Variants in IFT81 observed in about 807,000 individuals in gnomAD.
IFT81 encodes intraflagellar transport protein 81 homolog.
IFT81 carries 72 observed loss-of-function variants against 102.6 expected under a neutral mutation model. That is an observed-to-expected ratio of 0.70 (90% confidence interval 0.58 to 0.85). The LOEUF (loss-of-function observed/expected upper bound fraction) is 0.85. Ranked by LOEUF, IFT81 falls within the 40% of genes least tolerant of loss-of-function variation. The probability of loss-of-function intolerance (pLI) is 0.00; values close to 1 mark genes in which losing one functional copy is unlikely to be tolerated. For synonymous variants in IFT81, 237 were observed against 242.7 expected, an observed-to-expected ratio of 0.98 and a Z score of 0.22; for missense variants, 723 against 787.3, an observed-to-expected ratio of 0.92 and a Z score of 0.98.
intron 1 of IFT81, among the ~76,000 whole-genome samples, chr12:110,127,056 A>C (rs887928048): frequency 6.6e-6 from 1 of 152,184 alleles, no homozygotes; most frequent in African/African-American, 2.4e-5. Flanking sequence ...ATGCACCGGT[A>C]TGGGAGAGAT....
At chr12:110,154,487 C>T (rs1045214438) in intron 10 of IFT81, among the ~76,000 whole-genome samples, 12 of 151,388 alleles carry the variant, frequency 7.9e-5, no homozygotes, top group Admixed American at 1.3e-4. Flanking sequence ...AAAAATTAGC[C>T]GGGCATGATG....
intron 18 of IFT81, among the ~76,000 whole-genome samples, chr12:110,210,533 G>A (rs1348386394): frequency 6.6e-6 from 1 of 151,866 alleles, no homozygotes; most frequent in African/African-American, 2.4e-5. Flanking sequence ...GAACCTGGGA[G>A]TTTGAGATCA....
At chr12:110,206,459 G>A (rs938311894) in intron 17 of IFT81, among the ~76,000 whole-genome samples, 1 of 152,062 alleles carries the variant, frequency 6.6e-6, no homozygotes. Context: ...CAGATAAAAT[G>A]TAGCACTCAC....
chr12:110,154,666 A>G (rs372328372), intron 10 of IFT81, among the ~76,000 whole-genome samples: 298 of 152,088 alleles, frequency 2.0e-3, no homozygotes, highest in African/African-American at 7.0e-3. Flanking sequence ...AAAGAAAAAA[A>G]TGTATTTTTA....
intron 3 of IFT81, among the ~76,000 whole-genome samples, chr12:110,128,350 ACTGT>A (rs1893965841): frequency 6.6e-6 from 1 of 150,506 alleles, no homozygotes; most frequent in South Asian, 2.1e-4. Context: ...CCTTAATCAA[ACTGT>A]CTGGTAAATC....
intron 12 of IFT81, among the ~76,000 whole-genome samples, chr12:110,182,362 A>G (rs1022918814): frequency 6.6e-6 from 1 of 152,218 alleles, no homozygotes; most frequent in East Asian, 1.9e-4. Context: ...TTCCAAGGAC[A>G]TAACTGATAT....
intron 12 of IFT81, among the ~76,000 whole-genome samples, chr12:110,188,256 T>A (rs1593353678): frequency 6.7e-6 from 1 of 149,306 alleles, no homozygotes; most frequent in Non-Finnish European, 1.5e-5. Context: ...GGCATGAACC[T>A]GGGAGGCGGA....
At chr12:110,174,068 G>C (rs1388279097) in intron 11 of IFT81, among the ~76,000 whole-genome samples, 1 of 151,858 alleles carries the variant, frequency 6.6e-6, no homozygotes, top group Non-Finnish European at 1.5e-5. Flanking sequence ...ATGAGGTCAG[G>C]AGATCGAGAC....
chr12:110,191,168 C>CAT, intron 13 of IFT81, 120 bp downstream of exon 13: 1 of 623,326 alleles, frequency 1.6e-6, no homozygotes, highest in South Asian at 2.6e-5. Flanking sequence ...ATTCTTTCAT[C>CAT]TTTTTTTTTT....
At position 110,209,161 on chromosome 12, in the gene IFT81, G is replaced by C; in HGVS notation, c.1803-10G>C. The C allele has an allele frequency of 6.8e-7, 1 of 1,470,478 alleles. No individual in the cohort carries two copies. The allele number at this position is 1,470,478 out of a possible 1,614,324, so 91.1% of individuals were successfully genotyped here. A position where few individuals can be genotyped will look rare whatever the true frequency, so the allele number is the denominator to read the frequency against. ...TAAATTGAAAGTAAATCATTATGTT[G>C]ACTCCCTAGGGAACAGTATACCAAA... On this transcript the variant is annotated splice_polypyrimidine_tract_variant and intron_variant, in intron 17 of 18. Coordinates refer to ENST00000242591, the MANE Select transcript of IFT81 (RefSeq NM_014055.4).
intron 18 of IFT81, chr12:110,216,638 G>A (rs1156787081): frequency 2.7e-5 from 12 of 443,654 alleles, no homozygotes; most frequent in Non-Finnish European, 5.4e-5. Context: ...AGCCTTCTGA[G>A]TAGCTGGAAT....
chr12:110,129,014 C>G lies in IFT81; in HGVS notation c.313C>G (p.Leu105Val). 6.2e-7 allele frequency: 1 copy of G among 1,611,664 alleles called. No homozygotes were observed. The highest frequency in any genetic ancestry group is 8.5e-7 in the Non-Finnish European group (1 of 1,178,710). Residue 105 changes from leucine to valine, a missense_variant, in exon 4 of 19, where the codon CTT becomes GTT. Coordinates refer to ENST00000242591, the MANE Select transcript of IFT81 (RefSeq NM_014055.4). ...KPVIYPVLHW[L>V]LQRTNELKKR... ...TGTAATTTACCCAGTGCTCCACTGG[C>G]TTCTTCAGAGGACTAATGAACTGAA... is the stretch of plus-strand genomic sequence containing the variant.
At chr12:110,181,341 T>C (rs183625572) in intron 12 of IFT81, among the ~76,000 whole-genome samples, 5 of 152,372 alleles carry the variant, frequency 3.3e-5, no homozygotes, top group South Asian at 2.1e-4. Context: ...GCATTATTGT[T>C]TACTTCAAAA....
intron 10 of IFT81, among the ~76,000 whole-genome samples, chr12:110,151,718 C>T (rs1895540044): frequency 6.6e-6 from 1 of 152,092 alleles, no homozygotes; most frequent in Admixed American, 6.5e-5. Context: ...TGTTAAGATA[C>T]ATTAACTATA....
At chr12:110,135,053 C>A in intron 6 of IFT81, 40 bp downstream of exon 6, 1 of 1,436,378 alleles carries the variant, frequency 7.0e-7, no homozygotes, top group African/African-American at 1.4e-5. Context: ...GGCCCCAAGT[C>A]CCAAGGACTT....
At chr12:110,177,732 A>G (rs558766803) in intron 11 of IFT81, among the ~76,000 whole-genome samples, 286 of 152,354 alleles carry the variant, frequency 1.9e-3, no homozygotes, top group Non-Finnish European at 3.0e-3. Context: ...ATTAAATTTT[A>G]GAGATGGTGT....
intron 1 of IFT81, 103 bp downstream of exon 1, chr12:110,124,964 C>T (rs1465710590): frequency 2.0e-5 from 3 of 152,204 alleles, no homozygotes; most frequent in Non-Finnish European, 2.9e-5. Context: ...AGACAGCCTT[C>T]CTGTTCAGTA....
chr12:110,152,800 G>A (rs1211221104), intron 10 of IFT81, among the ~76,000 whole-genome samples: 2 of 151,972 alleles, frequency 1.3e-5, no homozygotes, highest in Admixed American at 6.6e-5. Context: ...TTCCTACAGT[G>A]CCCAGTCTGG....
At chr12:110,154,804 CCA>C (rs1165527023) in intron 10 of IFT81, among the ~76,000 whole-genome samples, 1 of 151,606 alleles carries the variant, frequency 6.6e-6, no homozygotes, top group Non-Finnish European at 1.5e-5. Flanking sequence ...TTTTTTTTGG[CCA>C]CAGTCTCACT....
Sources: gnomAD v4.1 joint callset for allele counts (sites outside exome capture counted in the v4.1 genomes callset) on GRCh38, gnomAD v4.1.1 for gene constraint, MANE v1.5 for transcripts, NCBI Gene and HGNC (gene_info 2026-07-23, HGNC 2026-07-21) for gene names.